The following RUFY1 variants were observed in gnomAD, a reference collection of about 807,000 sequenced individuals.
RUFY1 encodes RUN and FYVE domain containing 1.
In RUFY1, 54 loss-of-function variants were observed where a neutral mutation model predicts 94.6. The ratio of observed to expected loss-of-function variants is 0.57; its 90% CI spans 0.46 to 0.72. The LOEUF is 0.72. Among genes scored for constraint, RUFY1 ranks in the 30% least tolerant of loss-of-function variants. The pLI is 0.00. For synonymous variants in RUFY1, 396 were observed against 347.3 expected, an observed-to-expected ratio of 1.14 and a Z score of -1.56; for missense variants, 883 against 883.9, an observed-to-expected ratio of 1.00 and a Z score of 0.01.
In RUFY1 at chr5:179,550,590, C is replaced by T. The variant is rs768809657; in HGVS notation, c.21C>T (p.Gly7=). 3.9e-6 allele frequency: 5 copies of T among 1,284,624 alleles called. No homozygotes were observed. Among genetic ancestry groups the T allele is most frequent in the South Asian group, 1.7e-5 (1 of 57,524 alleles). 79.6% of individuals were successfully genotyped at this position (1,284,624 alleles called of 1,614,324 possible). Residue 7 remains glycine (G), a synonymous_variant, in exon 1 of 18, where the codon GGC becomes GGT. Transcript: ENST00000319449. ...CCAAGATGGCCGACCGGGAAGGCGG[C>T]TGCGCTGCTGGGCGGGGGCGGGAGC... MADREG[G]CAAGRGRELE...
intron 14 of RUFY1, chr5:179,599,667 G>C (rs534833768): frequency 6.6e-6 from 1 of 152,514 alleles, no homozygotes; most frequent in South Asian, 2.1e-4. Flanking sequence ...TTTTCCCAGA[G>C]GGGAGGAGGC....
At chr5:179,551,006 G>T (rs1416160722) in intron 1 of RUFY1, 127 bp downstream of exon 1, 1 of 832,950 alleles carries the variant, frequency 1.2e-6, no homozygotes, top group African/African-American at 1.8e-5. Context: ...CTGTTGGCGG[G>T]CGGGCGGCGC....
intron 9 of RUFY1, among the ~76,000 whole-genome samples, chr5:179,590,149 C>T (rs548027780): frequency 2.0e-5 from 3 of 152,084 alleles, no homozygotes; most frequent in African/African-American, 7.2e-5. Flanking sequence ...GCCAGGAGAT[C>T]GAGACTGTCC....
intron 10 of RUFY1, among the ~76,000 whole-genome samples, chr5:179,592,454 A>G (rs1765198080): frequency 6.6e-6 from 1 of 152,070 alleles, no homozygotes; most frequent in South Asian, 2.1e-4. Flanking sequence ...GAGTTTCACC[A>G]TCTTGGGCAG....
Position 179,594,757 on chromosome 5 carries a change from TCTCAAAAAAAAAAAAAA to T in RUFY1, c.1414-108_1414-92del, listed in dbSNP as rs1765443914. On this transcript the variant is annotated intron_variant, in intron 11 of 17. Coordinates refer to ENST00000319449, the MANE Select transcript of RUFY1 (RefSeq NM_025158.5). ...GCCTGGGTGACAGAGCAAGACTCTG[TCTCAAAAAAAAAAAAAA>T]AAAAAAAAAGCAAATAAGCCCTGTT... 8.1e-6 allele frequency: 4 copies of T among 492,140 alleles called. No individual in the cohort carries two copies. The Admixed American group carries it at 1.9e-4, about 23-fold the overall frequency. The allele number at this position is 492,140 out of a possible 1,614,324, so 30.5% of individuals were successfully genotyped here.
Position 179,550,590 on chromosome 5 carries a change from C to A in RUFY1, c.21C>A (p.Gly7=). The A allele has an allele frequency of 7.8e-7, 1 of 1,284,618 alleles. No homozygotes were observed. The highest frequency in any genetic ancestry group is 9.8e-7 in the Non-Finnish European group (1 of 1,024,296). 79.6% of individuals were successfully genotyped at this position (1,284,618 alleles called of 1,614,324 possible). The stretch of plus-strand genomic sequence containing the variant: ...CCAAGATGGCCGACCGGGAAGGCGG[C>A]TGCGCTGCTGGGCGGGGGCGGGAGC... The part of the protein sequence containing the change: MADREG[G]CAAGRGRELE... The change falls in exon 1 of 18, where the codon GGC becomes GGA. Residue 7 remains glycine (G), a synonymous_variant. Transcript: ENST00000319449.
At position 179,582,489 on chromosome 5, in the gene RUFY1, C is replaced by G. The variant is rs7705702; in HGVS notation, c.956+1477C>G. Among the ~76,000 whole-genome samples, 1,388 of 152,254 alleles carry G rather than the reference C, an allele frequency of 9.1e-3. 23 individuals are homozygous for G. The highest frequency in any genetic ancestry group is 0.03 in the African/African-American group (1,238 of 41,562). ...CAATCTTCCCTGGTTAGCCTCCCAACTGCTGGGTTATAGGCATGAGCCACC... is the reference window on the plus strand; with the variant it reads ...CAATCTTCCCTGGTTAGCCTCCCAAGTGCTGGGTTATAGGCATGAGCCACC... On this transcript the variant is annotated intron_variant, in intron 7 of 17. Transcript: ENST00000319449.
chr5:179,595,760 G>A (rs1021428707), intron 12 of RUFY1: 4 of 152,170 alleles, frequency 2.6e-5, no homozygotes, highest in African/African-American at 9.7e-5. Context: ...ATATTGATCA[G>A]GCTGGTCTCG....
rs893202090 is a variant in RUFY1, at chr5:179,589,360, T to G, written c.1027-186T>G. On this transcript the variant is annotated intron_variant, in intron 8 of 17. Coordinates refer to ENST00000319449, the MANE Select transcript of RUFY1 (RefSeq NM_025158.5). ...TAGGGGCAAGGGCGGAGGAGAGATT[T>G]TACTACATACATTTTCATGTCTTTG... 7.2e-6 allele frequency: 4 copies of G among 557,518 alleles called. No homozygotes were observed. The African/African-American group carries it at 7.6e-5, about 11-fold the overall frequency. 34.5% of individuals were successfully genotyped at this position (557,518 alleles called of 1,614,324 possible).
chr5:179,561,592 A>G (rs144942721), intron 2 of RUFY1, among the ~76,000 whole-genome samples: 48 of 152,088 alleles, frequency 3.2e-4, no homozygotes, highest in Middle Eastern at 3.4e-3. Flanking sequence ...AACAAAAAAA[A>G]ATAAATCCTT....
At chr5:179,581,368 A>G (rs570696251) in intron 7 of RUFY1, among the ~76,000 whole-genome samples, 1 of 152,276 alleles carries the variant, frequency 6.6e-6, no homozygotes, top group South Asian at 2.1e-4. Flanking sequence ...GGCCAGGAAA[A>G]AAGAGTTGAA....
intron 7 of RUFY1, 61 bp from the exon 8 acceptor site, chr5:179,585,735 G>A (rs1764558250): frequency 1.6e-6 from 2 of 1,254,626 alleles, no homozygotes; most frequent in Admixed American, 3.5e-5. Context: ...ACTGTTTACA[G>A]ATTGAGAAAA....
chr5:179,558,677 C>T (rs1343515573), intron 1 of RUFY1, among the ~76,000 whole-genome samples: 2 of 152,052 alleles, frequency 1.3e-5, no homozygotes, highest in Admixed American at 1.3e-4. Context: ...TCTTCTTGCC[C>T]AGCAGCTCTC....
At chr5:179,600,636 T>G (rs1030572535) in intron 14 of RUFY1, among the ~76,000 whole-genome samples, 1 of 151,400 alleles carries the variant, frequency 6.6e-6, no homozygotes, top group Non-Finnish European at 1.5e-5. Flanking sequence ...GTTTATCTTT[T>G]AAAAAGAAGC....
chr5:179,576,524 G>A (rs1360535072), intron 5 of RUFY1, among the ~76,000 whole-genome samples: 4 of 152,150 alleles, frequency 2.6e-5, no homozygotes, highest in African/African-American at 4.8e-5. Flanking sequence ...AGGTTCAAGC[G>A]ATTCTCCTGC....
intron 1 of RUFY1, among the ~76,000 whole-genome samples, chr5:179,558,483 A>C (rs112173505): frequency 3.3e-5 from 5 of 151,916 alleles, no homozygotes; most frequent in Non-Finnish European, 7.4e-5. Context: ...GAAACAAGAG[A>C]ATTGCTTGAG....
chr5:179,563,872 A>G (rs1224094307), intron 3 of RUFY1, among the ~76,000 whole-genome samples: 1 of 151,914 alleles, frequency 6.6e-6, no homozygotes, highest in African/African-American at 2.4e-5. Flanking sequence ...GGGTGTTGCC[A>G]TGTTGGCCAG....
chr5:179,607,429 G>C, intron 16 of RUFY1, 153 bp from the exon 17 acceptor site: 1 of 678,070 alleles, frequency 1.5e-6, no homozygotes, highest in Non-Finnish European at 2.6e-6. Context: ...AGAGCCCCTT[G>C]ATGACAGTCC....
chr5:179,571,838 TTC>T (rs1193248509), intron 5 of RUFY1, among the ~76,000 whole-genome samples: 2 of 152,342 alleles, frequency 1.3e-5, no homozygotes, highest in African/African-American at 4.8e-5. Context: ...TCTTTTCATA[TTC>T]TTTGTCCATT....
Sources: gnomAD v4.1 joint callset for allele counts (sites outside exome capture counted in the v4.1 genomes callset) on GRCh38, gnomAD v4.1.1 for gene constraint, MANE v1.5 for transcripts, NCBI Gene and HGNC (gene_info 2026-07-23, HGNC 2026-07-21) for gene names.